Variants in TTLL11 observed in about 807,000 individuals in gnomAD.
TTLL11 encodes tubulin tyrosine ligase like 11.
In TTLL11, 42 loss-of-function variants were observed where a neutral mutation model predicts 51.7. The observed-to-expected ratio is 0.81, with a 90% CI of 0.64 to 1.05. The LOEUF is 1.05. TTLL11 is among the 50% of genes least tolerant of loss of function. TTLL11 has a pLI of 0.00. For synonymous variants in TTLL11, 381 were observed against 383.5 expected (o/e 0.99, Z 0.08); for missense variants, 799 against 940.4 (o/e 0.85, Z 1.97).
chr9:121,948,995 T>C (rs1012014654), intron 6 of TTLL11, among the ~76,000 whole-genome samples: 1 of 152,152 alleles, frequency 6.6e-6, no homozygotes, highest in African/African-American at 2.4e-5. Flanking sequence ...ATGTGGAATC[T>C]TGGAGGTGAG....
At position 121,956,657 on chromosome 9, in the gene TTLL11, C is replaced by T. The variant is rs948574145; in HGVS notation, c.1481+17352G>A. On this transcript the variant is annotated intron_variant, in intron 6 of 8. Coordinates refer to ENST00000321582, the MANE Select transcript of TTLL11 (RefSeq NM_001139442.2). ...TGAAGGGCTGCTTCCCAGGGTCTTC[C>T]GGTGGCCCGGGACAGACACAAGGCC... Among the ~76,000 whole-genome samples, 8 of 151,984 alleles carry T rather than the reference C, an allele frequency of 5.3e-5. 1 individual carries two copies. Among genetic ancestry groups the T allele is most frequent in the Admixed American group, 1.3e-4 (2 of 15,272 alleles).
chr9:121,992,233 T>C (rs1843136334), intron 3 of TTLL11, among the ~76,000 whole-genome samples: 1 of 152,204 alleles, frequency 6.6e-6, no homozygotes, highest in South Asian at 2.1e-4. Flanking sequence ...CAGAACGTGG[T>C]TCCCATAGCC....
chr9:121,883,399 A>G (rs538890862), intron 6 of TTLL11, among the ~76,000 whole-genome samples: 33 of 152,286 alleles, frequency 2.2e-4, no homozygotes, highest in Admixed American at 5.9e-4. Context: ...CTCCTTTGAC[A>G]TATATTTATT....
intron 1 of TTLL11, among the ~76,000 whole-genome samples, chr9:122,040,577 T>C (rs1455427443): frequency 6.6e-6 from 1 of 152,208 alleles, no homozygotes; most frequent in East Asian, 1.9e-4. Flanking sequence ...TAAATAAAAA[T>C]CTTTTGATTT....
intron 1 of TTLL11, among the ~76,000 whole-genome samples, chr9:122,067,165 G>C (rs1395470187): frequency 6.6e-6 from 1 of 152,160 alleles, no homozygotes. Flanking sequence ...CTCAACCTTT[G>C]TGAACCCATC....
chr9:121,950,901 A>T (rs1313598168), intron 6 of TTLL11, among the ~76,000 whole-genome samples: 2 of 152,182 alleles, frequency 1.3e-5, no homozygotes, highest in Non-Finnish European at 1.5e-5. Context: ...TACGGTAAAA[A>T]TTAAACCCGA....
chr9:121,975,290 C>G (rs915559806), intron 4 of TTLL11, among the ~76,000 whole-genome samples: 43 of 152,216 alleles, frequency 2.8e-4, no homozygotes, highest in African/African-American at 1.0e-3. Context: ...AGTAGCCCAT[C>G]AATTTCTCCC....
At chr9:121,925,019 T>C (rs916541432) in intron 6 of TTLL11, among the ~76,000 whole-genome samples, 4 of 152,204 alleles carry the variant, frequency 2.6e-5, no homozygotes, top group Admixed American at 1.3e-4. Context: ...CATCTTATTA[T>C]GAGAATTTCC....
intron 3 of TTLL11, among the ~76,000 whole-genome samples, chr9:122,024,567 G>T (rs934446747): frequency 6.6e-6 from 1 of 152,160 alleles, no homozygotes; most frequent in African/African-American, 2.4e-5. Context: ...TGAGGTTTTG[G>T]CAGAAAGAGA....
chr9:122,042,543 T>A (rs983103328), intron 1 of TTLL11, among the ~76,000 whole-genome samples: 8 of 152,200 alleles, frequency 5.3e-5, no homozygotes, highest in Admixed American at 2.0e-4. Flanking sequence ...ATACTCTTAT[T>A]ATATAATCCA....
intron 1 of TTLL11, among the ~76,000 whole-genome samples, chr9:122,086,181 A>G (rs1257939642): frequency 6.6e-6 from 1 of 152,226 alleles, no homozygotes. Context: ...TTTAATTTAT[A>G]GGAGTTATAG....
At chr9:121,882,240 G>C (rs1472423684) in intron 6 of TTLL11, among the ~76,000 whole-genome samples, 1 of 152,144 alleles carries the variant, frequency 6.6e-6, no homozygotes, top group Non-Finnish European at 1.5e-5. Context: ...AGGGAGGCTA[G>C]GTCAAGGGGG....
In TTLL11 at chr9:121,860,378, G is replaced by A. The variant is rs1017081170; in HGVS notation, c.1799C>T (p.Thr600Ile). 1 of 1,551,420 alleles carries A rather than the reference G, an allele frequency of 6.4e-7. No homozygotes were observed. The highest frequency in any genetic ancestry group is 2.0e-5 in the Admixed American group (1 of 50,980). Residue 600 changes from threonine (T) to isoleucine (I), a missense_variant, in exon 8 of 9, where the codon ACA becomes ATA. By Grantham distance (89) the Thr-to-Ile change is moderately conservative (BLOSUM62 -1). This residue lies in a region of TTLL11 where 165 missense variants were observed against 166.1 expected (regional missense o/e 0.99). Transcript: ENST00000321582. ...CAGGGTCATGGAGTTCCACCTCCGT[G>A]TGATGTCAATGTAGAGGATGTCCAC... ...AAVDILYIDI[T>I]RRWNSMTLDQ... is the part of the protein sequence containing the mutation.
chr9:121,997,073 C>T (rs1384307940), intron 3 of TTLL11, among the ~76,000 whole-genome samples: 1 of 152,204 alleles, frequency 6.6e-6, no homozygotes, highest in African/African-American at 2.4e-5. Flanking sequence ...AAGGAAGAGC[C>T]TCTCCACATG....
chr9:122,060,447 T>A (rs775588659), intron 1 of TTLL11, among the ~76,000 whole-genome samples: 1 of 152,210 alleles, frequency 6.6e-6, no homozygotes, highest in Admixed American at 6.5e-5. Flanking sequence ...TTACATAGCC[T>A]GCTCCCTGCC....
chr9:122,060,567 A>G (rs943462773), intron 1 of TTLL11, among the ~76,000 whole-genome samples: 1 of 152,218 alleles, frequency 6.6e-6, no homozygotes, highest in Non-Finnish European at 1.5e-5. Context: ...AGGACCAGAC[A>G]CAAGCTAGTG....
intron 6 of TTLL11, among the ~76,000 whole-genome samples, chr9:121,952,792 A>AG (rs1841892715): frequency 6.6e-6 from 1 of 152,124 alleles, no homozygotes; most frequent in African/African-American, 2.4e-5. Context: ...CTGGGGTTGC[A>AG]GGGGGAACTG....
chr9:121,845,369 A>T (rs1837488292), intron 8 of TTLL11, among the ~76,000 whole-genome samples: 1 of 152,216 alleles, frequency 6.6e-6, no homozygotes, highest in Admixed American at 6.5e-5. Context: ...AACTGAAGGG[A>T]TCTGTTGCCA....
At chr9:122,059,874 G>A (rs981053587) in intron 1 of TTLL11, among the ~76,000 whole-genome samples, 12 of 152,076 alleles carry the variant, frequency 7.9e-5, no homozygotes, top group African/African-American at 2.4e-4. Flanking sequence ...TTGCAGCTGC[G>A]GGACTGAGAT....
Sources: allele counts gnomAD v4.1 joint callset (sites outside exome capture counted in the v4.1 genomes callset), GRCh38; gene constraint gnomAD v4.1.1; regional missense constraint gnomAD v4.1.1; transcripts MANE v1.5; gene names NCBI Gene and HGNC (gene_info 2026-07-23, HGNC 2026-07-21).